Variants in FOXP2 observed in about 807,000 individuals in gnomAD.
The protein encoded by FOXP2 is forkhead box protein P2.
A neutral mutation model predicts 115.8 loss-of-function variants in FOXP2; 12 were observed. The observed-to-expected ratio is 0.10, with a 90% CI of 0.07 to 0.17. The LOEUF (loss-of-function observed/expected upper bound fraction) is 0.17, where lower values mean the gene tolerates loss of function less well. Among genes scored for constraint, FOXP2 ranks in the 10% least tolerant of loss-of-function variants. The pLI is 1.00. For missense variants in FOXP2, 629 were observed against 843.5 expected (o/e 0.75, Z 3.15); for synonymous variants, 328 against 297.7 (o/e 1.10, Z -1.05).
At chr7:114,280,430 A>G (rs984415159) in intron 1 of FOXP2, among the ~76,000 whole-genome samples, 2 of 152,064 alleles carry the variant, frequency 1.3e-5, no homozygotes, top group African/African-American at 2.4e-5. Flanking sequence ...AACAGTATTT[A>G]TGTTATTTTA....
intron 1 of FOXP2, among the ~76,000 whole-genome samples, chr7:114,125,499 A>G (rs1378383735): frequency 6.6e-6 from 1 of 152,138 alleles, no homozygotes. Context: ...CTACAGTGGT[A>G]ACAACTGAAT....
At chr7:114,427,296 T>A (rs1793901480) in intron 2 of FOXP2, among the ~76,000 whole-genome samples, 1 of 151,578 alleles carries the variant, frequency 6.6e-6, no homozygotes, top group Admixed American at 6.6e-5. Context: ...TAAAATGCAA[T>A]ATTCTCTTTA....
intron 2 of FOXP2, among the ~76,000 whole-genome samples, chr7:114,322,247 TC>T (rs1414940198): frequency 6.6e-6 from 1 of 151,898 alleles, no homozygotes; most frequent in Non-Finnish European, 1.5e-5. Context: ...GCTGTCACAC[TC>T]CTAGACTCAA....
At chr7:114,658,412 G>A (rs368783055) in intron 11 of FOXP2, 145 bp downstream of exon 11, 516 of 853,112 alleles carry the variant, frequency 6.0e-4, no homozygotes, top group Non-Finnish European at 8.0e-4. Flanking sequence ...TGGTAAATGC[G>A]AATAGGGGCG....
intron 2 of FOXP2, among the ~76,000 whole-genome samples, chr7:114,444,640 C>G (rs1794750368): frequency 6.7e-6 from 1 of 148,868 alleles, no homozygotes; most frequent in Non-Finnish European, 1.5e-5. Flanking sequence ...TTAAATTATA[C>G]TAACAGCATG....
At chr7:114,317,613 C>T (rs114617733) in intron 2 of FOXP2, among the ~76,000 whole-genome samples, 37 of 152,258 alleles carry the variant, frequency 2.4e-4, no homozygotes, top group African/African-American at 8.4e-4. Flanking sequence ...TACAATTGAT[C>T]CCCTGCAGTC....
intron 3 of FOXP2, among the ~76,000 whole-genome samples, chr7:114,545,083 A>G (rs749471450): frequency 2.0e-5 from 3 of 152,224 alleles, no homozygotes; most frequent in Non-Finnish European, 4.4e-5. Context: ...GATACAATAC[A>G]GTTGGCTTAC....
At position 114,148,170 on chromosome 7, in the gene FOXP2, G is replaced by A. The variant is rs141248883; in HGVS notation, c.-246-14774G>A. 2.1e-3 allele frequency among the ~76,000 whole-genome samples: 316 copies of A among 152,056 alleles called. 3 individuals are homozygous for A. The highest frequency in any genetic ancestry group is 7.2e-3 in the African/African-American group (298 of 41,470). On this transcript the variant is annotated intron_variant, in intron 1 of 19. Coordinates refer to the FOXP2 transcript ENST00000635638. ...TCTTTTAAGTAATTGTGTGAATTGC[G>A]GGGATTGGGGGAAGAATCTCATCAG...
At chr7:114,109,649 T>C (rs536931891) in intron 1 of FOXP2, among the ~76,000 whole-genome samples, 1 of 152,248 alleles carries the variant, frequency 6.6e-6, no homozygotes, top group African/African-American at 2.4e-5. Context: ...ATCATAAATG[T>C]AAGTCAATGT....
chr7:114,357,545 C>A (rs1791645196), intron 2 of FOXP2, among the ~76,000 whole-genome samples: 1 of 152,108 alleles, frequency 6.6e-6, no homozygotes, highest in Non-Finnish European at 1.5e-5. Flanking sequence ...TGTGAAATGA[C>A]TGCCTACTAC....
intron 1 of FOXP2, among the ~76,000 whole-genome samples, chr7:114,130,081 A>T (rs547052016): frequency 6.6e-6 from 1 of 152,246 alleles, no homozygotes; most frequent in East Asian, 1.9e-4. Context: ...TGGGAGACAA[A>T]GGTGGGAGGA....
intron 1 of FOXP2, among the ~76,000 whole-genome samples, chr7:114,200,650 T>C (rs1794036687): frequency 6.6e-6 from 1 of 152,184 alleles, no homozygotes; most frequent in Admixed American, 6.5e-5. Context: ...TTCAAGTTGA[T>C]GCCATTTGAC....
At chr7:114,686,141 A>G (rs1046294789) in intron 16 of FOXP2, among the ~76,000 whole-genome samples, 4 of 152,116 alleles carry the variant, frequency 2.6e-5, no homozygotes, top group Non-Finnish European at 4.4e-5. Flanking sequence ...TTTTTTTTAT[A>G]CTATAGTCTA....
At chr7:114,308,529 T>C (rs557701370) in intron 2 of FOXP2, among the ~76,000 whole-genome samples, 1 of 152,262 alleles carries the variant, frequency 6.6e-6, no homozygotes, top group East Asian at 1.9e-4. Context: ...ATAAACCCTT[T>C]TAAGGGACAG....
At chr7:114,281,255 C>G (rs989693768) in intron 1 of FOXP2, among the ~76,000 whole-genome samples, 1 of 151,712 alleles carries the variant, frequency 6.6e-6, no homozygotes, top group East Asian at 1.9e-4. Context: ...GTGCCTGCTA[C>G]CATGCCCGGC....
intron 3 of FOXP2, among the ~76,000 whole-genome samples, chr7:114,581,698 C>T (rs73438577): frequency 0.028 from 4,324 of 152,268 alleles, 201 homozygotes; most frequent in African/African-American, 0.096. Flanking sequence ...TACATGATGA[C>T]ATGTATCCAC....
chr7:114,347,357 C>T (rs1383975444), intron 2 of FOXP2, among the ~76,000 whole-genome samples: 3 of 151,900 alleles, frequency 2.0e-5, no homozygotes, highest in South Asian at 2.1e-4. Flanking sequence ...CACGCATATA[C>T]GTATATGTTT....
intron 16 of FOXP2, among the ~76,000 whole-genome samples, chr7:114,683,238 A>G (rs1282975800): frequency 6.6e-6 from 1 of 152,194 alleles, no homozygotes; most frequent in Admixed American, 6.5e-5. Context: ...TATTCACTCA[A>G]CATGTATTTA....
intron 2 of FOXP2, among the ~76,000 whole-genome samples, chr7:114,395,951 TA>T (rs1190192020): frequency 6.6e-6 from 1 of 152,096 alleles, no homozygotes; most frequent in Non-Finnish European, 1.5e-5. Context: ...ATACAGTAGG[TA>T]ATCACATTAG....
Sources: gnomAD v4.1 joint callset for allele counts (sites outside exome capture counted in the v4.1 genomes callset) on GRCh38, gnomAD v4.1.1 for gene constraint, MANE v1.5 for transcripts, NCBI Gene and HGNC (gene_info 2026-07-23, HGNC 2026-07-21) for gene names.